The following PTPN9 variants were observed in gnomAD, a reference collection of about 807,000 sequenced individuals.
PTPN9 encodes protein tyrosine phosphatase non-receptor type 9, also known as tyrosine-protein phosphatase non-receptor type 9.
Under a neutral mutation model 69.8 loss-of-function variants are expected in PTPN9, and 26 were observed. That is an observed-to-expected ratio of 0.37 (90% CI 0.27 to 0.52). The LOEUF (loss-of-function observed/expected upper bound fraction) is 0.52, where lower values mean the gene tolerates loss of function less well. PTPN9 is among the 20% of genes least tolerant of loss of function. The pLI, the probability that PTPN9 is intolerant of heterozygous loss-of-function variation, is 0.91. For missense variants in PTPN9, 549 were observed against 740.3 expected (o/e 0.74, Z 3.00); for synonymous variants, 274 against 272.5 (o/e 1.01, Z -0.05).
intron 1 of PTPN9, among the ~76,000 whole-genome samples, chr15:75,560,352 G>A (rs900804911): frequency 1.3e-5 from 2 of 152,102 alleles, no homozygotes; most frequent in African/African-American, 4.8e-5. Context: ...CCACTTCTAA[G>A]TCCCTAACCT....
chr15:75,533,518 C>T (rs1450000715), intron 1 of PTPN9, among the ~76,000 whole-genome samples: 1 of 152,094 alleles, frequency 6.6e-6, no homozygotes, highest in Non-Finnish European at 1.5e-5. Flanking sequence ...GCCTCAGCCT[C>T]CCAAAGTGCT....
Position 75,482,019 on chromosome 15 carries a change from G to A in PTPN9, c.1063-2105C>T, listed in dbSNP as rs1484585707. ...TGGCGGCTTTGTGGAATAGAAAGGG[G>A]GGAAAGGTGGGGAAAAGATTGAGAA... On this transcript the variant is annotated intron_variant, in intron 8 of 12. Coordinates refer to ENST00000618819, the MANE Select transcript of PTPN9 (RefSeq NM_002833.4). Among the ~76,000 whole-genome samples, 4 of 147,524 alleles carry A rather than the reference G, an allele frequency of 2.7e-5. No homozygotes were observed. In the East Asian group the frequency reaches 8.4e-4, roughly 31 times the overall value.
intron 1 of PTPN9, among the ~76,000 whole-genome samples, chr15:75,545,292 G>A (rs561091390): frequency 1.4e-4 from 21 of 152,286 alleles, no homozygotes; most frequent in African/African-American, 4.8e-4. Context: ...AGAGGGCCGA[G>A]CATGGTGGTT....
At chr15:75,578,572 G>A in intron 1 of PTPN9, 142 bp downstream of exon 1, 2 of 631,810 alleles carry the variant, frequency 3.2e-6, no homozygotes, top group Non-Finnish European at 4.4e-6. Flanking sequence ...CGCGGTCGCC[G>A]GTGAGGGAGG....
Position 75,463,745 on chromosome 15 carries a change from C to A in PTPN9, c.*5024G>T, listed in dbSNP as rs1382649742. The A allele has an allele frequency of 6.6e-6, 1 of 152,080 alleles. No homozygotes were observed. The highest frequency in any genetic ancestry group is 1.9e-4 in the East Asian group (1 of 5,190). 9.4% of individuals were successfully genotyped at this position (152,080 alleles called of 1,614,324 possible). ...AGAAGATCCTAGTCTTCTCTGTAGTCAATTATGAACAGTGCAGTCTAGAAC... is the reference window on the plus strand; with the variant it reads ...AGAAGATCCTAGTCTTCTCTGTAGTAAATTATGAACAGTGCAGTCTAGAAC... On this transcript the variant is annotated 3_prime_UTR_variant, in exon 13 of 13. Transcript: ENST00000618819.
rs1228687106 is a variant in PTPN9, at chr15:75,465,624, T to C, written c.*3145A>G. ...TTAGGAGACATCAATTTGTTAACTC[T>C]CTATAGGGTCAGAAACATGAACTAA... On this transcript the variant is annotated 3_prime_UTR_variant, in exon 13 of 13. Coordinates refer to ENST00000618819, the MANE Select transcript of PTPN9 (RefSeq NM_002833.4). The C allele has an allele frequency of 6.6e-6, 1 of 152,188 alleles. No homozygotes were observed. The highest frequency in any genetic ancestry group is 1.5e-5 in the Non-Finnish European group (1 of 68,046). 9.4% of individuals were successfully genotyped at this position (152,188 alleles called of 1,614,324 possible).
Position 75,490,237 on chromosome 15 carries a change from T to G in PTPN9, c.1033A>C (p.Lys345Gln), listed in dbSNP as rs1175564642. 1 of 1,613,674 alleles carries G rather than the reference T, an allele frequency of 6.2e-7. No homozygotes were observed. Among genetic ancestry groups the G allele is most frequent in the Admixed American group, 1.7e-5 (1 of 59,996 alleles). Reference protein sequence around the residue: ...DVPCLDQTRVKLTKRSGHTQT... With the variant: ...DVPCLDQTRVQLTKRSGHTQT... ...GTATGGCCACTTCGCTTTGTTAGCT[T>G]CACTCTAGTTTGGTCCAGGCAGGGT... Residue 345 changes from lysine (K) to glutamine (Q), a missense_variant, in exon 8 of 13, where the codon AAG (lysine) becomes CAG (glutamine). Physicochemically the swap from Lys to Gln is moderately conservative, Grantham distance 53. Coordinates refer to ENST00000618819, the MANE Select transcript of PTPN9 (RefSeq NM_002833.4).
At chr15:75,528,695 A>ATTTTTT (rs770826556) in intron 1 of PTPN9, among the ~76,000 whole-genome samples, 1 of 125,440 alleles carries the variant, frequency 8.0e-6, no homozygotes, top group Non-Finnish European at 1.7e-5. Context: ...CCCTCAGCAC[A>ATTTTTT]TTTTTTTTTT....
intron 5 of PTPN9, among the ~76,000 whole-genome samples, chr15:75,511,872 T>A (rs75077366): frequency 1.5e-4 from 4 of 27,538 alleles, no homozygotes; most frequent in Admixed American, 3.1e-4. Context: ...ACTTTAATAT[T>A]TTTTTTTTTT....
chr15:75,529,097 C>A (rs1158852278), intron 1 of PTPN9, among the ~76,000 whole-genome samples: 7 of 151,988 alleles, frequency 4.6e-5, no homozygotes, highest in African/African-American at 1.5e-4. Flanking sequence ...AGTGATTCTT[C>A]TGCCTCAGCC....
chr15:75,575,172 A>T (rs2075166348), intron 1 of PTPN9, among the ~76,000 whole-genome samples: 1 of 43,132 alleles, frequency 2.3e-5, no homozygotes, highest in African/African-American at 2.2e-4. Context: ...GCGGGGTTTC[A>T]CTGTGTTAGC....
chr15:75,560,381 T>G (rs1202828717), intron 1 of PTPN9, among the ~76,000 whole-genome samples: 1 of 152,152 alleles, frequency 6.6e-6, no homozygotes, highest in Non-Finnish European at 1.5e-5. Context: ...ATACCATTTT[T>G]TCTTCATTTT....
At chr15:75,513,582 C>T (rs2074853852) in intron 5 of PTPN9, 2 of 355,738 alleles carry the variant, frequency 5.6e-6, no homozygotes, top group South Asian at 4.3e-5. Context: ...GCCTGGCCAA[C>T]ATGGTGAAAC....
intron 2 of PTPN9, 76 bp downstream of exon 2, chr15:75,527,041 GT>G: frequency 6.5e-7 from 1 of 1,536,958 alleles, no homozygotes; most frequent in South Asian, 1.1e-5. Flanking sequence ...GAACCAATGT[GT>G]GTGTCGAGCA....
rs138310273 is a variant in PTPN9, at chr15:75,542,036, A to AAAAATAAAATAAAAT, written c.64-14790_64-14776dup. Among the ~76,000 whole-genome samples the AAAAATAAAATAAAAT allele has an allele frequency of 2.0e-3, 298 of 149,812 alleles. 1 individual carries two copies. Among genetic ancestry groups the AAAAATAAAATAAAAT allele is most frequent in the African/African-American group, 7.2e-3 (289 of 40,102 alleles). On this transcript the variant is annotated intron_variant, in intron 1 of 12. Transcript: ENST00000618819. ...TGGTGACAGAGCAAGATGCCATCTC[A>AAAAATAAAATAAAAT]AAAATAAAATAAAATAAAATAAAAT... is the stretch of plus-strand genomic sequence containing the variant.
intron 8 of PTPN9, among the ~76,000 whole-genome samples, chr15:75,484,678 T>C (rs1329611624): frequency 1.3e-5 from 2 of 152,166 alleles, no homozygotes; most frequent in African/African-American, 4.8e-5. Context: ...GTGGAATGGA[T>C]AAGGGAAGGT....
intron 7 of PTPN9, among the ~76,000 whole-genome samples, chr15:75,504,393 C>T (rs1235600250): frequency 4.0e-5 from 5 of 125,292 alleles, no homozygotes; most frequent in Middle Eastern, 6.0e-3. Flanking sequence ...GGGGGCTCAG[C>T]CCCCCGCCCG....
chr15:75,541,279 G>C (rs940690052), intron 1 of PTPN9, among the ~76,000 whole-genome samples: 1 of 150,966 alleles, frequency 6.6e-6, no homozygotes, highest in East Asian at 2.0e-4. Flanking sequence ...TAGAGATAGG[G>C]TCTCACCAGC....
rs2074540798 is a variant in PTPN9 at position 75,467,325 on chromosome 15, C to A, written c.*1444G>T. On this transcript the variant is annotated 3_prime_UTR_variant, in exon 13 of 13. Coordinates refer to ENST00000618819, the MANE Select transcript of PTPN9 (RefSeq NM_002833.4). The stretch of plus-strand genomic sequence containing the variant: ...TTATTGAGGTCTGATCAGCTGCCAA[C>A]CTCATCTTCTGTCACAGGGGAAGGT... The A allele has an allele frequency of 6.6e-6, 1 of 152,574 alleles. No homozygotes were observed. Among genetic ancestry groups the A allele is most frequent in the Non-Finnish European group, 1.5e-5 (1 of 68,036 alleles). The allele number at this position is 152,574 out of a possible 1,614,324, so 9.5% of individuals were successfully genotyped here.
Sources: allele counts gnomAD v4.1 joint callset (sites outside exome capture counted in the v4.1 genomes callset), GRCh38; gene constraint gnomAD v4.1.1; transcripts MANE v1.5; gene names NCBI Gene and HGNC (gene_info 2026-07-23, HGNC 2026-07-21).